Variants in PCYT1B observed in about 807,000 individuals in gnomAD.
PCYT1B encodes phosphate cytidylyltransferase 1B, choline.
In PCYT1B, 10 loss-of-function variants were observed where a neutral mutation model predicts 26.4. The observed-to-expected ratio is 0.38, with a 90% CI of 0.23 to 0.64. PCYT1B has a LOEUF of 0.64. Ranked by LOEUF, PCYT1B falls within the 30% of genes least tolerant of loss-of-function variation. The pLI is 0.56. For synonymous variants in PCYT1B, 131 were observed against 108.4 expected, an observed-to-expected ratio of 1.21 and a Z score of -1.29; for missense variants, 161 against 292.7, an observed-to-expected ratio of 0.55 and a Z score of 3.28.
intron 2 of PCYT1B, among the ~76,000 whole-genome samples, chrX:24,617,309 C>A (rs1925531241): frequency 9.2e-6 from 1 of 109,217 alleles, no homozygotes; most frequent in African/African-American, 3.3e-5. Context: ...TAATAAGTAT[C>A]CATTATTATT....
intron 6 of PCYT1B, among the ~76,000 whole-genome samples, chrX:24,576,650 G>T (rs12851930): frequency 0.41 from 45,044 of 110,371 alleles, 8,211 homozygotes; most frequent in Non-Finnish European, 0.56. Flanking sequence ...GCAAAACTGG[G>T]TAAAGAGTCC....
chrX:24,663,044 G>A (rs1307072647), intron 1 of PCYT1B, among the ~76,000 whole-genome samples: 5 of 111,992 alleles, frequency 4.5e-5, no homozygotes, highest in Admixed American at 1.9e-4. Context: ...TCTAGATGAA[G>A]CAAGATGGGT....
At chrX:24,657,399 T>C (rs1282677383) in intron 1 of PCYT1B, among the ~76,000 whole-genome samples, 3 of 112,366 alleles carry the variant, frequency 2.7e-5, no homozygotes, top group Non-Finnish European at 5.6e-5. Context: ...GCCAAATATA[T>C]TATCTGAATG....
intron 7 of PCYT1B, among the ~76,000 whole-genome samples, chrX:24,571,532 C>G (rs1233828926): frequency 1.6e-5 from 1 of 64,503 alleles, no homozygotes; most frequent in Non-Finnish European, 2.6e-5. Context: ...ATCATCACTA[C>G]TTTCTACTCA....
intron 1 of PCYT1B, among the ~76,000 whole-genome samples, chrX:24,642,197 T>C (rs1193152175): frequency 8.9e-6 from 1 of 112,682 alleles, no homozygotes; most frequent in East Asian, 2.8e-4. Flanking sequence ...GGGGTTTGGA[T>C]TCACTTCTTT....
At chrX:24,579,186 CAAAAA>C in intron 6 of PCYT1B, 125 bp downstream of exon 6, 1 of 367,118 alleles carries the variant, frequency 2.7e-6, no homozygotes, top group African/African-American at 3.6e-5. Flanking sequence ...CATCTCTACA[CAAAAA>C]AAAAAAAAAG....
At chrX:24,615,423 C>T (rs1428998392) in intron 2 of PCYT1B, among the ~76,000 whole-genome samples, 1 of 111,270 alleles carries the variant, frequency 9.0e-6, no homozygotes, top group Non-Finnish European at 1.9e-5. Context: ...AACAAACTCT[C>T]TCTGCTTCTA....
intron 1 of PCYT1B, among the ~76,000 whole-genome samples, chrX:24,663,908 G>C (rs983255363): frequency 9.1e-6 from 1 of 109,340 alleles, no homozygotes; most frequent in Non-Finnish European, 1.9e-5. Flanking sequence ...GACAGAGCGA[G>C]ATTCCGTCTC....
At chrX:24,638,097 G>A (rs963181418) in intron 1 of PCYT1B, among the ~76,000 whole-genome samples, 1 of 21,325 alleles carries the variant, frequency 4.7e-5, no homozygotes, top group Non-Finnish European at 8.3e-5. Flanking sequence ...ACCTATTACC[G>A]TTGTTATTTT....
intron 5 of PCYT1B, among the ~76,000 whole-genome samples, chrX:24,580,461 G>A (rs949638954): frequency 8.9e-6 from 1 of 111,910 alleles, no homozygotes; most frequent in Non-Finnish European, 1.9e-5. Context: ...ATGCCTGTAG[G>A]GATGGTTAGA....
At chrX:24,581,401 A>C (rs1403712671) in intron 5 of PCYT1B, among the ~76,000 whole-genome samples, 1 of 112,076 alleles carries the variant, frequency 8.9e-6, no homozygotes, top group Non-Finnish European at 1.9e-5. Context: ...GCCTCAGCCC[A>C]GCCATGCTGG....
Position 24,577,833 on chromosome X carries a change from A to G in PCYT1B, c.708+1483T>C, listed in dbSNP as rs112943576. 8.6e-4 allele frequency among the ~76,000 whole-genome samples: 96 copies of G among 112,116 alleles called. 1 individual carries two copies. The highest frequency in any genetic ancestry group is 1.5e-3 in the Non-Finnish European group (78 of 53,273). On this transcript the variant is annotated intron_variant, in intron 6 of 7. Transcript: ENST00000379144. The stretch of plus-strand genomic sequence containing the variant: ...GAGGGTTCTTATTTTAATCAAAGAT[A>G]TCGGCACCTCACAGCCCAGGCAAAT...
chrX:24,608,381 C>T (rs61760950), intron 2 of PCYT1B, among the ~76,000 whole-genome samples: 112 of 111,846 alleles, frequency 1.0e-3, no homozygotes, highest in African/African-American at 3.4e-3. Flanking sequence ...AGTGCTTCCA[C>T]GACAGAAGTT....
Position 24,590,053 on chromosome X carries a change from T to C in PCYT1B, c.456A>G (p.Thr152=), listed in dbSNP as rs1367967557. 7.5e-6 allele frequency: 9 copies of C among 1,203,097 alleles called. No homozygotes were observed. Among genetic ancestry groups the C allele is most frequent in the Non-Finnish European group, 1.0e-5 (9 of 891,160 alleles). The change falls in exon 4 of 8, where the codon ACA becomes ACG. Residue 152 remains threonine, a synonymous_variant. Coordinates refer to ENST00000379144, the MANE Select transcript of PCYT1B (RefSeq NM_004845.5). ...VDEVIRDAPW[T]LTPEFLEKHK... ...GTTTTTCCAGAAACTCTGGCGTGAG[T>C]GTCCAGGGAGCATCTCTGATAACTT...
intron 3 of PCYT1B, among the ~76,000 whole-genome samples, chrX:24,607,382 A>T (rs891888220): frequency 1.8e-5 from 2 of 112,446 alleles, no homozygotes; most frequent in Non-Finnish European, 3.8e-5. Flanking sequence ...TAGTTCTTTG[A>T]GATTTGAAAT....
chrX:24,616,644 T>G (rs1223837888), intron 2 of PCYT1B, among the ~76,000 whole-genome samples: 1 of 112,128 alleles, frequency 8.9e-6, no homozygotes, highest in Non-Finnish European at 1.9e-5. Context: ...ACTATCTGTT[T>G]AAAATGCAGA....
chrX:24,606,053 CA>C (rs35072094), intron 3 of PCYT1B, among the ~76,000 whole-genome samples: 6,007 of 52,320 alleles, frequency 0.11, 687 homozygotes, highest in African/African-American at 0.39. Flanking sequence ...GACTCCATCT[CA>C]AAAAAAAAAA....
rs202170430 is a variant in PCYT1B, at chrX:24,562,408, C to T, written c.995G>A (p.Arg332His). ...CCATGAGAAGGTGGGCGATGGGGAG[C>T]GGGAAGGGGACCGGCTCCGGGTTGG... Reference protein sequence around the residue: ...SSPTRSRSPSRSPSPTFSWLP... With the variant: ...SSPTRSRSPSHSPSPTFSWLP... The change falls in exon 8 of 8, where the codon CGC becomes CAC. Residue 332 changes from arginine to histidine, a missense_variant. Physicochemically the swap from Arg to His is conservative, Grantham distance 29. This residue lies in a region of PCYT1B where 38 missense variants were observed against 55.9 expected (regional missense o/e 0.68). Transcript: ENST00000379144. 7 of 1,189,661 alleles carry T rather than the reference C, an allele frequency of 5.9e-6. No individual in the cohort carries two copies. Among genetic ancestry groups the T allele is most frequent in the Non-Finnish European group, 7.9e-6 (7 of 885,475 alleles).
intron 1 of PCYT1B, among the ~76,000 whole-genome samples, chrX:24,667,314 G>T (rs1419208496): frequency 9.0e-6 from 1 of 110,855 alleles, no homozygotes; most frequent in Admixed American, 9.8e-5. Flanking sequence ...AACTGTGTTG[G>T]GTTAGCTTGA....
Sources: allele counts gnomAD v4.1 joint callset (sites outside exome capture counted in the v4.1 genomes callset), GRCh38; gene constraint gnomAD v4.1.1; regional missense constraint gnomAD v4.1.1; transcripts MANE v1.5; gene names NCBI Gene and HGNC (gene_info 2026-07-23, HGNC 2026-07-21).